The following MED12L variants were observed in gnomAD, a reference collection of about 807,000 sequenced individuals.
MED12L encodes mediator of RNA polymerase II transcription subunit 12-like protein.
Under a neutral mutation model 281.3 loss-of-function variants are expected in MED12L, and 60 were observed. The observed-to-expected ratio is 0.21, with a 90% CI of 0.17 to 0.26. MED12L has a LOEUF of 0.26. MED12L is among the 10% of genes least tolerant of loss of function. The probability of loss-of-function intolerance (pLI) is 1.00; values close to 1 mark genes in which losing one functional copy is unlikely to be tolerated. For synonymous variants in MED12L, 974 were observed against 987.2 expected (o/e 0.99, Z 0.25); for missense variants, 2,146 against 2,680.9 (o/e 0.80, Z 4.41).
intron 20 of MED12L, among the ~76,000 whole-genome samples, chr3:151,357,882 A>G (rs533402693): frequency 3.3e-5 from 5 of 152,306 alleles, no homozygotes; most frequent in African/African-American, 7.2e-5. Context: ...GGCTTACTCT[A>G]CTAATGAAGT....
intron 39 of MED12L, among the ~76,000 whole-genome samples, chr3:151,405,796 A>G (rs1360749227): frequency 1.3e-5 from 2 of 152,230 alleles, no homozygotes; most frequent in African/African-American, 2.4e-5. Flanking sequence ...GCTGGCAGGA[A>G]GAAGAAATCA....
intron 16 of MED12L, chr3:151,213,608 T>C (rs766614784): frequency 6.2e-7 from 1 of 1,614,200 alleles, no homozygotes; most frequent in African/African-American, 1.3e-5. Flanking sequence ...AACACGATGC[T>C]GAATATGTTG....
At chr3:151,106,660 A>G (rs1259926513) in intron 2 of MED12L, among the ~76,000 whole-genome samples, 1 of 152,184 alleles carries the variant, frequency 6.6e-6, no homozygotes, top group Non-Finnish European at 1.5e-5. Flanking sequence ...CCAACATTGC[A>G]GACTTTATCC....
chr3:151,287,466 G>A (rs566963547), intron 16 of MED12L, among the ~76,000 whole-genome samples: 3 of 152,230 alleles, frequency 2.0e-5, no homozygotes, highest in African/African-American at 7.2e-5. Context: ...AGGGCACTCA[G>A]ATTTTCAGTT....
intron 16 of MED12L, among the ~76,000 whole-genome samples, chr3:151,265,995 G>T (rs962097838): frequency 6.6e-6 from 1 of 152,202 alleles, no homozygotes; most frequent in Non-Finnish European, 1.5e-5. Context: ...ATTGTTGTCT[G>T]TGCCTTCAGG....
At chr3:151,164,306 C>T (rs1306566366) in intron 9 of MED12L, among the ~76,000 whole-genome samples, 1 of 152,074 alleles carries the variant, frequency 6.6e-6, no homozygotes, top group Non-Finnish European at 1.5e-5. Flanking sequence ...GGTGGTGGTT[C>T]TAATACATGA....
At chr3:151,269,636 AT>A in intron 16 of MED12L, 1 of 392,678 alleles carries the variant, frequency 2.5e-6, no homozygotes. Context: ...GCACTGTATT[AT>A]TTGACGAGTT....
At chr3:151,367,552 C>G in intron 23 of MED12L, 94 bp from the exon 24 acceptor site, 4 of 1,139,106 alleles carry the variant, frequency 3.5e-6, no homozygotes, top group Non-Finnish European at 4.9e-6. Flanking sequence ...GATTTGAGAT[C>G]TTATTGGTAT....
chr3:151,254,896 G>A (rs1363833046), intron 16 of MED12L, among the ~76,000 whole-genome samples: 11 of 152,146 alleles, frequency 7.2e-5, no homozygotes, highest in Admixed American at 6.5e-4. Flanking sequence ...CCAAAACTGT[G>A]TTTTTCATTC....
chr3:151,176,803 T>A (rs1445644455), intron 11 of MED12L, among the ~76,000 whole-genome samples: 1 of 152,196 alleles, frequency 6.6e-6, no homozygotes, highest in African/African-American at 2.4e-5. Flanking sequence ...ATGCTTCTAG[T>A]GTGTCACACT....
At chr3:151,318,102 C>T (rs1036959882) in intron 16 of MED12L, among the ~76,000 whole-genome samples, 1 of 151,650 alleles carries the variant, frequency 6.6e-6, no homozygotes, top group African/African-American at 2.4e-5. Flanking sequence ...TATCTGCTTC[C>T]TAACCATACA....
Position 151,384,192 on chromosome 3 carries a change from T to C in MED12L, c.4900T>C (p.Tyr1634His), listed in dbSNP as rs1237286376. ...GGGATCTGAAGAGAACAAGCGTGCA[T>C]ACATGAATTTAGTAAAGAAACTGAA... Reference protein sequence around the residue: ...PGGSEENKRAYMNLVKKLKKE... With the variant: ...PGGSEENKRAHMNLVKKLKKE... Residue 1634 changes from tyrosine to histidine, a missense_variant, in exon 35 of 45, where the codon TAC becomes CAC. By Grantham distance (83) the Tyr-to-His change is moderately conservative (BLOSUM62 2). This residue lies in a region of MED12L where 212 missense variants were observed against 340.8 expected (regional missense o/e 0.62). Transcript: ENST00000687756. 2 of 1,607,974 alleles carry C rather than the reference T, an allele frequency of 1.2e-6. No individual in the cohort carries two copies. The highest frequency in any genetic ancestry group is 8.5e-7 in the Non-Finnish European group (1 of 1,178,386).
intron 16 of MED12L, among the ~76,000 whole-genome samples, chr3:151,229,377 C>T (rs539199647): frequency 6.7e-6 from 1 of 149,236 alleles, no homozygotes; most frequent in East Asian, 2.0e-4. Context: ...TCGTGATCTC[C>T]GCTCACTGCA....
In MED12L at chr3:151,390,094, A is replaced by T. The variant is rs776058087; in HGVS notation, c.5567A>T (p.Gln1856Leu). ...GGTTACAACCTCGTGGGCCAGCCCC[A>T]GCAGCCCGGCTTTTTCCTTCAGAAC... ...LWGYNLVGQP[Q>L]QPGFFLQNQS... The change falls in exon 38 of 45, where the codon CAG (glutamine) becomes CTG (leucine). Residue 1856 changes from glutamine to leucine, a missense_variant. Physicochemically the swap from Gln to Leu is moderately radical, Grantham distance 113. This residue lies in a region of MED12L where 496 missense variants were observed against 512.0 expected (regional missense o/e 0.97). Coordinates refer to ENST00000687756, the MANE Select transcript of MED12L (RefSeq NM_001393769.1). The T allele has an allele frequency of 6.8e-6, 11 of 1,614,020 alleles. No homozygotes were observed. The highest frequency in any genetic ancestry group is 9.3e-6 in the Non-Finnish European group (11 of 1,179,984).
intron 16 of MED12L, among the ~76,000 whole-genome samples, chr3:151,197,622 G>C (rs1724855222): frequency 6.6e-6 from 1 of 152,160 alleles, no homozygotes; most frequent in Non-Finnish European, 1.5e-5. Context: ...CCATTGATGT[G>C]CTATCGATGT....
intron 16 of MED12L, among the ~76,000 whole-genome samples, chr3:151,344,067 G>A (rs1752239426): frequency 6.6e-6 from 1 of 152,008 alleles, no homozygotes; most frequent in Non-Finnish European, 1.5e-5. Context: ...CAAAAGTAAC[G>A]AGTCTTGGGC....
At chr3:151,328,826 G>A (rs1577344194) in intron 16 of MED12L, 1 of 1,613,946 alleles carries the variant, frequency 6.2e-7, no homozygotes. Context: ...GATGATGAAG[G>A]TGGAGGAGCT....
chr3:151,292,909 A>G (rs912439726), intron 16 of MED12L, among the ~76,000 whole-genome samples: 2 of 152,186 alleles, frequency 1.3e-5, no homozygotes, highest in African/African-American at 2.4e-5. Flanking sequence ...AAATATGACT[A>G]TCTTAATCTA....
At chr3:151,368,290 G>A (rs920116553) in intron 25 of MED12L, 39 bp downstream of exon 25, 11 of 1,555,362 alleles carry the variant, frequency 7.1e-6, no homozygotes, top group Non-Finnish European at 8.0e-6. Context: ...CCTTTTCATT[G>A]GTAGCTAAAG....
Sources: allele counts gnomAD v4.1 joint callset (sites outside exome capture counted in the v4.1 genomes callset), GRCh38; gene constraint gnomAD v4.1.1; regional missense constraint gnomAD v4.1.1; transcripts MANE v1.5; gene names NCBI Gene and HGNC (gene_info 2026-07-23, HGNC 2026-07-21).